Variants in DSCAM observed in about 807,000 individuals in gnomAD.
The protein encoded by DSCAM is cell adhesion molecule DSCAM.
DSCAM carries 47 observed loss-of-function variants against 217.7 expected under a neutral mutation model. That is an observed-to-expected ratio of 0.22 (90% CI 0.17 to 0.28). DSCAM has a LOEUF of 0.28. DSCAM is among the 10% of genes least tolerant of loss of function. The probability of loss-of-function intolerance (pLI) is 1.00; values close to 1 mark genes in which losing one functional copy is unlikely to be tolerated. For synonymous variants in DSCAM, 1,056 were observed against 1,015.3 expected (o/e 1.04, Z -0.76); for missense variants, 2,080 against 2,618.3 (o/e 0.79, Z 4.49).
chr21:40,599,199 G>C (rs1279302560), intron 3 of DSCAM, among the ~76,000 whole-genome samples: 5 of 151,438 alleles, frequency 3.3e-5, no homozygotes, highest in Non-Finnish European at 5.9e-5. Context: ...TGAGCAGAAG[G>C]CTTTTTTTTA....
chr21:40,603,920 CATTTCT>C (rs2077081738), intron 3 of DSCAM, among the ~76,000 whole-genome samples: 1 of 80,954 alleles, frequency 1.2e-5, no homozygotes, highest in African/African-American at 4.5e-5. Context: ...GACTTTTTTG[CATTTCT>C]TTTTTTTTTT....
chr21:40,777,094 G>C (rs1347380684), intron 1 of DSCAM, among the ~76,000 whole-genome samples: 3 of 152,132 alleles, frequency 2.0e-5, no homozygotes, highest in Non-Finnish European at 4.4e-5. Context: ...AGAAGTCTAA[G>C]ATCAAGGCAC....
At chr21:40,836,802 A>G (rs902807929) in intron 1 of DSCAM, among the ~76,000 whole-genome samples, 2 of 152,240 alleles carry the variant, frequency 1.3e-5, no homozygotes, top group African/African-American at 2.4e-5. Flanking sequence ...GGAAGACGAC[A>G]TAACAAACAT....
chr21:40,083,071 T>G (rs544373004), intron 24 of DSCAM, among the ~76,000 whole-genome samples: 155 of 152,324 alleles, frequency 1.0e-3, no homozygotes, highest in Non-Finnish European at 1.7e-3. Flanking sequence ...CTCTTTCCTG[T>G]GTATCTTCTG....
At chr21:40,068,825 C>T (rs1015872784) in intron 27 of DSCAM, among the ~76,000 whole-genome samples, 1 of 152,158 alleles carries the variant, frequency 6.6e-6, no homozygotes, top group Non-Finnish European at 1.5e-5. Flanking sequence ...GTGGCTCATG[C>T]CTATAATCCC....
intron 1 of DSCAM, among the ~76,000 whole-genome samples, chr21:40,775,427 C>T (rs1411983127): frequency 2.0e-5 from 3 of 152,010 alleles, no homozygotes; most frequent in Non-Finnish European, 2.9e-5. Flanking sequence ...AAGAGGTTAC[C>T]GTATGAATCT....
At chr21:40,756,899 A>G (rs954570597) in intron 1 of DSCAM, among the ~76,000 whole-genome samples, 6 of 152,176 alleles carry the variant, frequency 3.9e-5, no homozygotes, top group Admixed American at 3.9e-4. Context: ...GCCAGACGAT[A>G]TAACTCCCAA....
At chr21:40,477,063 T>C (rs1469843465) in intron 3 of DSCAM, among the ~76,000 whole-genome samples, 2 of 152,156 alleles carry the variant, frequency 1.3e-5, no homozygotes, top group East Asian at 3.8e-4. Flanking sequence ...ACTTCCTAAA[T>C]AGTATTTAAG....
chr21:40,484,922 T>C (rs1161954186), intron 3 of DSCAM, among the ~76,000 whole-genome samples: 1 of 152,212 alleles, frequency 6.6e-6, no homozygotes, highest in Non-Finnish European at 1.5e-5. Context: ...AGTCCCAGCC[T>C]GTAGCTTCCT....
chr21:40,705,847 C>T (rs2090709531), intron 2 of DSCAM, among the ~76,000 whole-genome samples: 1 of 152,214 alleles, frequency 6.6e-6, no homozygotes, highest in South Asian at 2.1e-4. Flanking sequence ...GTGGCTCCCA[C>T]ACCTCCATCT....
intron 1 of DSCAM, among the ~76,000 whole-genome samples, chr21:40,742,566 C>T (rs922784340): frequency 6.6e-6 from 1 of 152,156 alleles, no homozygotes; most frequent in Non-Finnish European, 1.5e-5. Flanking sequence ...TTGTTTTAAG[C>T]CACTACGTTT....
intron 1 of DSCAM, among the ~76,000 whole-genome samples, chr21:40,813,876 A>T (rs1416179178): frequency 6.6e-6 from 1 of 151,914 alleles, no homozygotes; most frequent in Non-Finnish European, 1.5e-5. Context: ...TGAACTCCTG[A>T]CCTAGTGATC....
intron 3 of DSCAM, among the ~76,000 whole-genome samples, chr21:40,656,144 A>C (rs546461479): frequency 6.6e-6 from 1 of 152,310 alleles, no homozygotes; most frequent in Non-Finnish European, 1.5e-5. Flanking sequence ...GCTCAGTCCT[A>C]TCACATTGGG....
At chr21:40,448,628 A>G (rs1378044204) in intron 3 of DSCAM, among the ~76,000 whole-genome samples, 1 of 150,454 alleles carries the variant, frequency 6.6e-6, no homozygotes, top group African/African-American at 2.4e-5. Flanking sequence ...AATATTTATC[A>G]TAATAAATCA....
At chr21:40,074,129 C>T (rs1050677056) in intron 27 of DSCAM, among the ~76,000 whole-genome samples, 2 of 152,132 alleles carry the variant, frequency 1.3e-5, no homozygotes, top group Non-Finnish European at 1.5e-5. Context: ...AAGAGGTCAA[C>T]GTTTTCTAAA....
At chr21:40,172,508 G>C (rs923256542) in intron 15 of DSCAM, among the ~76,000 whole-genome samples, 3 of 152,204 alleles carry the variant, frequency 2.0e-5, no homozygotes, top group East Asian at 1.9e-4. Flanking sequence ...TGGCTACGCT[G>C]TCTCTGCTTC....
intron 1 of DSCAM, among the ~76,000 whole-genome samples, chr21:40,812,754 G>T (rs751720724): frequency 3.9e-5 from 6 of 152,204 alleles, no homozygotes; most frequent in Non-Finnish European, 7.3e-5. Context: ...AGATAGAGGA[G>T]AGCCTTGGTT....
intron 3 of DSCAM, among the ~76,000 whole-genome samples, chr21:40,560,501 T>A (rs1568905569): frequency 1.3e-5 from 2 of 152,194 alleles, no homozygotes; most frequent in Admixed American, 1.3e-4. Flanking sequence ...TGCACATCGG[T>A]GTTTTCAGTC....
At chr21:40,349,624 TTG>T (rs1292860187) in intron 5 of DSCAM, among the ~76,000 whole-genome samples, 1 of 152,208 alleles carries the variant, frequency 6.6e-6, no homozygotes, top group Non-Finnish European at 1.5e-5. Flanking sequence ...CCTGTAATTT[TTG>T]TGTTATCTCT....
Sources: allele counts gnomAD v4.1 joint callset (sites outside exome capture counted in the v4.1 genomes callset), GRCh38; gene constraint gnomAD v4.1.1; transcripts MANE v1.5; gene names NCBI Gene and HGNC (gene_info 2026-07-23, HGNC 2026-07-21).